ITGB6: variants seen among roughly 807,000 people sequenced by gnomAD.
ITGB6 encodes the protein integrin beta-6.
A neutral mutation model predicts 84.5 loss-of-function variants in ITGB6; 80 were observed. The observed-to-expected ratio is 0.95, with a 90% CI of 0.79 to 1.14. ITGB6 has a LOEUF of 1.14. Ranked by LOEUF, ITGB6 falls within the 50% of genes most tolerant of loss-of-function variation. The probability of loss-of-function intolerance (pLI) is 0.00; values close to 1 mark genes in which losing one functional copy is unlikely to be tolerated. For synonymous variants in ITGB6, 383 were observed against 354.9 expected, an observed-to-expected ratio of 1.08 and a Z score of -0.89; for missense variants, 1,006 against 968.0, an observed-to-expected ratio of 1.04 and a Z score of -0.52.
Position 160,101,713 on chromosome 2 carries a change from C to G in ITGB6, c.*23G>C, listed in dbSNP as rs370819920. The G allele has an allele frequency of 7.8e-7, 1 of 1,289,676 alleles. No individual in the cohort carries two copies. The highest frequency in any genetic ancestry group is 1.5e-5 in the African/African-American group (1 of 68,504). 79.9% of individuals were successfully genotyped at this position (1,289,676 alleles called of 1,614,324 possible). ...TAACATTTCATATCAGTGAAACAGA[C>G]TTTTTTCATGCATAAAGTAGTTCTA... On this transcript the variant is annotated 3_prime_UTR_variant, in exon 15 of 15. Transcript: ENST00000283249.
intron 14 of ITGB6, among the ~76,000 whole-genome samples, chr2:160,106,099 A>T (rs1056725779): frequency 2.0e-5 from 3 of 152,178 alleles, no homozygotes; most frequent in Non-Finnish European, 4.4e-5. Flanking sequence ...TCACTCCTTC[A>T]GTATGCATCT....
intron 13 of ITGB6, among the ~76,000 whole-genome samples, chr2:160,111,830 T>A (rs1026005929): frequency 1.3e-5 from 2 of 152,094 alleles, no homozygotes; most frequent in Admixed American, 6.5e-5. Flanking sequence ...CCCACCCTCC[T>A]CGGCCTCCCA....
chr2:160,107,549 G>T, intron 14 of ITGB6, 130 bp downstream of exon 14: 1 of 795,194 alleles, frequency 1.3e-6, no homozygotes, highest in Non-Finnish European at 2.1e-6. Context: ...AGCTGTTGGA[G>T]TCATGGCGAG....
chr2:160,193,949 G>A (rs899798821), intron 4 of ITGB6, among the ~76,000 whole-genome samples: 1 of 152,206 alleles, frequency 6.6e-6, no homozygotes, highest in African/African-American at 2.4e-5. Context: ...TTGAGGTCAG[G>A]AGTTTGAGAC....
At chr2:160,154,086 T>G (rs541371213) in intron 7 of ITGB6, among the ~76,000 whole-genome samples, 37 of 152,348 alleles carry the variant, frequency 2.4e-4, no homozygotes, top group Admixed American at 1.8e-3. Context: ...TTACTGGGTA[T>G]ATACCCAAAG....
chr2:160,134,520 A>G (rs1683621699), intron 10 of ITGB6, among the ~76,000 whole-genome samples: 1 of 152,206 alleles, frequency 6.6e-6, no homozygotes, highest in African/African-American at 2.4e-5. Context: ...ATTCCAATCA[A>G]TAGAAAAAGG....
intron 14 of ITGB6, among the ~76,000 whole-genome samples, chr2:160,104,904 T>C (rs2105769896): frequency 6.6e-6 from 1 of 152,360 alleles, no homozygotes; most frequent in Middle Eastern, 3.4e-3. Flanking sequence ...TTAAGCCCTG[T>C]CACTTTATGA....
At chr2:160,183,027 A>G (rs1444600990) in intron 4 of ITGB6, among the ~76,000 whole-genome samples, 1 of 152,232 alleles carries the variant, frequency 6.6e-6, no homozygotes, top group East Asian at 1.9e-4. Context: ...GGTACCAGCC[A>G]CTGCAAAAAC....
At chr2:160,137,406 G>C (rs780182032) in intron 10 of ITGB6, 28 bp downstream of exon 10, 3 of 1,581,806 alleles carry the variant, frequency 1.9e-6, no homozygotes, top group South Asian at 1.2e-5. Context: ...AGCAGCCACA[G>C]GGTAAGATGG....
At chr2:160,171,038 T>C (rs1287457569) in intron 6 of ITGB6, among the ~76,000 whole-genome samples, 1 of 152,184 alleles carries the variant, frequency 6.6e-6, no homozygotes, top group Non-Finnish European at 1.5e-5. Flanking sequence ...TATACACATT[T>C]GGGGAATACT....
chr2:160,122,682 G>C (rs1219687912), intron 12 of ITGB6, among the ~76,000 whole-genome samples: 1 of 152,158 alleles, frequency 6.6e-6, no homozygotes, highest in African/African-American at 2.4e-5. Flanking sequence ...TTGGTCACAA[G>C]AAAAGCATTG....
At chr2:160,114,654 T>C (rs4664310) in intron 12 of ITGB6, among the ~76,000 whole-genome samples, 100,852 of 151,350 alleles carry the variant, frequency 0.67, 33,912 homozygotes, top group Admixed American at 0.74. Flanking sequence ...AGACAGTGGG[T>C]GCAGGTCAGT....
At chr2:160,126,316 C>G (rs1364950427) in intron 11 of ITGB6, 63 bp downstream of exon 11, 11 of 1,458,278 alleles carry the variant, frequency 7.5e-6, no homozygotes, top group Non-Finnish European at 1.1e-5. Flanking sequence ...TACAAAATGC[C>G]ACTGTAAGTT....
chr2:160,163,315 C>T (rs144850047), intron 7 of ITGB6, among the ~76,000 whole-genome samples: 80 of 152,258 alleles, frequency 5.3e-4, no homozygotes, highest in Non-Finnish European at 9.7e-4. Flanking sequence ...CTCTGCTCTA[C>T]CCTTGAATTC....
intron 12 of ITGB6, among the ~76,000 whole-genome samples, chr2:160,117,620 C>A (rs1190554853): frequency 6.6e-6 from 1 of 152,006 alleles, no homozygotes; most frequent in East Asian, 1.9e-4. Context: ...AAAGCAAGAG[C>A]AAACACATTC....
At chr2:160,130,359 C>T (rs1188447486) in intron 10 of ITGB6, among the ~76,000 whole-genome samples, 1 of 151,968 alleles carries the variant, frequency 6.6e-6, no homozygotes, top group Admixed American at 6.6e-5. Flanking sequence ...TATATATACA[C>T]ATACACACAC....
At chr2:160,105,199 C>A (rs1400054470) in intron 14 of ITGB6, among the ~76,000 whole-genome samples, 1 of 152,166 alleles carries the variant, frequency 6.6e-6, no homozygotes, top group South Asian at 2.1e-4. Flanking sequence ...ATTTGTTATT[C>A]AAAGAAACTC....
intron 4 of ITGB6, among the ~76,000 whole-genome samples, chr2:160,181,032 C>T (rs191118474): frequency 1.1e-3 from 162 of 152,274 alleles, no homozygotes; most frequent in Non-Finnish European, 1.7e-3. Context: ...ATCACCAGGG[C>T]CCTGGGTCTC....
In ITGB6 at chr2:160,142,070, T is replaced by G. The variant is rs113506485; in HGVS notation, c.1019A>C (p.Asn340Thr). The G allele has an allele frequency of 4.3e-4, 674 of 1,580,740 alleles. 2 individuals carry two copies. The African/African-American group carries it at 8.5e-3, about 20-fold the overall frequency. ...AGCTCCAGGAATAAGTTTTGCGTAA[T>G]TCTGTAAACAGAAAAAGAGTAAGTC... ...VTQEQVHLYE[N>T]YAKLIPGATV... The change falls in exon 8 of 15, where the codon AAT (asparagine) becomes ACT (threonine). Residue 340 changes from asparagine (N) to threonine (T), a missense_variant and splice_region_variant. Coordinates refer to ENST00000283249, the MANE Select transcript of ITGB6 (RefSeq NM_000888.5).
Sources: gnomAD v4.1 joint callset for allele counts (sites outside exome capture counted in the v4.1 genomes callset) on GRCh38, gnomAD v4.1.1 for gene constraint, MANE v1.5 for transcripts, NCBI Gene and HGNC (gene_info 2026-07-23, HGNC 2026-07-21) for gene names.